Variants in KLF5 observed in about 807,000 individuals in gnomAD.
The protein encoded by KLF5 is Krueppel-like factor 5.
Under a neutral mutation model 36.9 loss-of-function variants are expected in KLF5, and 9 were observed. The ratio of observed to expected loss-of-function variants is 0.24; its 90% CI spans 0.15 to 0.43. The LOEUF (loss-of-function observed/expected upper bound fraction) is 0.43. Ranked by LOEUF, KLF5 falls within the 20% of genes least tolerant of loss-of-function variation. The pLI is 1.00. For missense variants in KLF5, 524 were observed against 599.5 expected (o/e 0.87, Z 1.31); for synonymous variants, 246 against 241.7 (o/e 1.02, Z -0.17).
At chr13:73,067,034 A>G (rs1228150579) in intron 3 of KLF5, among the ~76,000 whole-genome samples, 2 of 152,238 alleles carry the variant, frequency 1.3e-5, no homozygotes, top group African/African-American at 4.8e-5. Flanking sequence ...GTATACATTT[A>G]TCATGCCTTT....
At chr13:73,067,842 CTTT>C (rs66630634) in intron 3 of KLF5, among the ~76,000 whole-genome samples, 7 of 139,036 alleles carry the variant, frequency 5.0e-5, no homozygotes, top group East Asian at 2.1e-4. Flanking sequence ...ATTCACTCTT[CTTT>C]TTTTTTTTTT....
chr13:73,065,811 C>T (rs148450429), intron 3 of KLF5, among the ~76,000 whole-genome samples: 221 of 152,170 alleles, frequency 1.5e-3, no homozygotes, highest in Non-Finnish European at 2.4e-3. Flanking sequence ...TTGCATATAA[C>T]GATGTAATCA....
At chr13:73,063,929 A>C in intron 3 of KLF5, 46 bp downstream of exon 3, 1 of 1,195,274 alleles carries the variant, frequency 8.4e-7, no homozygotes, top group Non-Finnish European at 1.2e-6. Context: ...AAATAGTGTA[A>C]GTGGTATTCA....
chr13:73,070,873 C>T (rs533765883), intron 3 of KLF5, among the ~76,000 whole-genome samples: 1 of 152,304 alleles, frequency 6.6e-6, no homozygotes, highest in Non-Finnish European at 1.5e-5. Context: ...TACCAGATTA[C>T]TCTCAGTGGT....
intron 3 of KLF5, among the ~76,000 whole-genome samples, chr13:73,074,224 T>C (rs996931641): frequency 6.6e-6 from 1 of 152,214 alleles, no homozygotes; most frequent in Non-Finnish European, 1.5e-5. Context: ...TGTAGAAATC[T>C]CAGTTGATGA....
Position 73,059,497 on chromosome 13 carries a change from G to T in KLF5, c.170G>T (p.Arg57Leu). 1 of 1,228,370 alleles carries T rather than the reference G, an allele frequency of 8.1e-7. No homozygotes were observed. Among genetic ancestry groups the T allele is most frequent in the Non-Finnish European group, 1.0e-6 (1 of 987,812 alleles). The allele number at this position is 1,228,370 out of a possible 1,614,324, so 76.1% of individuals were successfully genotyped here. A position where few individuals can be genotyped will look rare whatever the true frequency, so the allele number is the denominator to read the frequency against. ...GAGGAGCTGAAGCACGCGCACCACC[G>T]CCCGCAGGCGCAGCCCGCGCCCGCG... The part of the protein sequence containing the change: ...PGEELKHAHH[R>L]PQAQPAPAQA... The change falls in exon 1 of 4, where the codon CGC becomes CTC. Residue 57 changes from arginine to leucine, a missense_variant. Transcript: ENST00000377687.
intron 2 of KLF5, among the ~76,000 whole-genome samples, chr13:73,063,513 T>A (rs1332753174): frequency 6.6e-6 from 1 of 152,164 alleles, no homozygotes; most frequent in East Asian, 1.9e-4. Context: ...TTAAAATTTT[T>A]AAAAAAACAT....
rs746616983 is a variant in KLF5, at chr13:73,062,396, A to G, written c.797A>G (p.His266Arg). Reference protein sequence around the residue: ...MSAAMAGLNTHTSAVPQTAVK... With the variant: ...MSAAMAGLNTRTSAVPQTAVK... ...GCTGCCATGGCAGGCCTTAACACAC[A>G]CACCTCTGCTGTTCCGCAGACTGCA... Residue 266 changes from histidine to arginine, a missense_variant, in exon 2 of 4, where the codon CAC (histidine) becomes CGC (arginine). By Grantham distance (29) the His-to-Arg change is conservative (BLOSUM62 0). Coordinates refer to ENST00000377687, the MANE Select transcript of KLF5 (RefSeq NM_001730.5). The G allele has an allele frequency of 1.2e-5, 19 of 1,613,954 alleles. No individual in the cohort carries two copies. In the African/African-American group the frequency reaches 2.4e-4, roughly 20 times the overall value.
At chr13:73,069,762 AAAGTT>A (rs2044709235) in intron 3 of KLF5, among the ~76,000 whole-genome samples, 1 of 152,244 alleles carries the variant, frequency 6.6e-6, no homozygotes, top group Admixed American at 6.5e-5. Context: ...AAGCTTATCA[AAAGTT>A]AAGTATAATT....
At position 73,075,758 on chromosome 13, in the gene KLF5, C is replaced by T. The variant is rs1326254909; in HGVS notation, c.1246C>T (p.Arg416Ter). 1 of 1,611,360 alleles carries T rather than the reference C, an allele frequency of 6.2e-7. No homozygotes were observed. Among genetic ancestry groups the T allele is most frequent in the Non-Finnish European group, 8.5e-7 (1 of 1,178,416 alleles). ...TWEGCDWRFA[R>*]SDELTRHYRK... is the part of the protein sequence containing the mutation. ...GGAAGGCTGCGACTGGAGGTTCGCGCGATCGGATGAGCTGACCCGCCACTA... is the reference window on the plus strand; with the variant it reads ...GGAAGGCTGCGACTGGAGGTTCGCGTGATCGGATGAGCTGACCCGCCACTA... Residue 416 changes from arginine (R) to a stop codon, truncating the protein, a stop_gained, in exon 4 of 4, where the codon CGA becomes TGA. Transcript: ENST00000377687. LOFTEE classifies it high-confidence loss of function.
At position 73,075,312 on chromosome 13, in the gene KLF5, T is replaced by C. The variant is rs528384704; in HGVS notation, c.1196-396T>C. ...GCCATTAGTCCTATAATAATTTAAT[T>C]TGGGTTTGTTGGTATAGAAACTGTA... On this transcript the variant is annotated intron_variant, in intron 3 of 3. Transcript: ENST00000377687. 2.6e-3 allele frequency among the ~76,000 whole-genome samples: 390 copies of C among 152,276 alleles called. 1 individual carries two copies. The highest frequency in any genetic ancestry group is 5.6e-3 in the South Asian group (27 of 4,832).
Position 73,062,024 on chromosome 13 carries a change from A to ACAT in KLF5, c.428_430dup (p.Ile143dup), listed in dbSNP as rs2044639491. On this transcript the variant is annotated inframe_insertion, in exon 2 of 4. Coordinates refer to ENST00000377687, the MANE Select transcript of KLF5 (RefSeq NM_001730.5). ...ATCAACATGAACGTCTTCCTCCCTG[A>ACAT]CATCACTCACCTGAGAACTGGCCTC... The ACAT allele has an allele frequency of 6.2e-7, 1 of 1,613,982 alleles. No homozygotes were observed. The highest frequency in any genetic ancestry group is 1.3e-5 in the African/African-American group (1 of 74,890).
In KLF5 at chr13:73,059,331, G is replaced by A; in HGVS notation, c.4G>A (p.Ala2Thr). The A allele has an allele frequency of 7.2e-7, 1 of 1,396,714 alleles. No homozygotes were observed. Among genetic ancestry groups the A allele is most frequent in the Non-Finnish European group, 9.3e-7 (1 of 1,076,504 alleles). 86.5% of individuals were successfully genotyped at this position (1,396,714 alleles called of 1,614,324 possible). Residue 2 changes from alanine (A) to threonine (T), a missense_variant, in exon 1 of 4, where the codon GCT (alanine) becomes ACT (threonine). Physicochemically the swap from Ala to Thr is moderately conservative, Grantham distance 58. This residue lies in a region of KLF5 where 454 missense variants were observed against 458.1 expected (regional missense o/e 0.99). Coordinates refer to ENST00000377687, the MANE Select transcript of KLF5 (RefSeq NM_001730.5). Reference protein sequence around the residue: MATRVLSMSARL... With the variant: MTTRVLSMSARL... ...GGAGCTGCGCCCCCGAGTGCCCATG[G>A]CTACAAGGGTGCTGAGCATGAGCGC...
chr13:73,072,228 G>GA (rs199638986), intron 3 of KLF5, among the ~76,000 whole-genome samples: 1 of 151,388 alleles, frequency 6.6e-6, no homozygotes, highest in African/African-American at 2.4e-5. Flanking sequence ...TCAGAGGGGG[G>GA]AAAAAAAAGG....
intron 3 of KLF5, among the ~76,000 whole-genome samples, chr13:73,071,842 G>C (rs2044724077): frequency 6.6e-6 from 1 of 152,118 alleles, no homozygotes; most frequent in African/African-American, 2.4e-5. Context: ...TAGGTTCGCA[G>C]AACAAGATAC....
intron 3 of KLF5, among the ~76,000 whole-genome samples, chr13:73,069,772 A>G (rs2044709512): frequency 6.6e-6 from 1 of 152,252 alleles, no homozygotes; most frequent in Non-Finnish European, 1.5e-5. Context: ...AAAGTTAAGT[A>G]TAATTTGATT....
At position 73,077,252 on chromosome 13, in the gene KLF5, A is replaced by G. The variant is rs1264240362; in HGVS notation, c.*1366A>G. On this transcript the variant is annotated 3_prime_UTR_variant, in exon 4 of 4. Transcript: ENST00000377687. The stretch of plus-strand genomic sequence containing the variant: ...CAATTTTCATAACTTGATAAATTAT[A>G]GTTTTGTTTGTTAGAAAAGTTGCTC... The G allele has an allele frequency of 6.6e-6, 1 of 152,620 alleles. No individual in the cohort carries two copies. The highest frequency in any genetic ancestry group is 1.5e-5 in the Non-Finnish European group (1 of 68,026). 9.5% of individuals were successfully genotyped at this position (152,620 alleles called of 1,614,324 possible).
At chr13:73,066,364 A>T (rs1224625258) in intron 3 of KLF5, among the ~76,000 whole-genome samples, 1 of 150,958 alleles carries the variant, frequency 6.6e-6, no homozygotes, top group African/African-American at 2.4e-5. Flanking sequence ...TAGAACAGTT[A>T]GGACAGTTTT....
In KLF5 at chr13:73,062,589, T is replaced by A. The variant is rs2044645491; in HGVS notation, c.990T>A (p.Ala330=). The stretch of plus-strand genomic sequence containing the variant: ...TAACCCCACCTCCATCCTATGCTGC[T>A]ACAATTGCTTCTAAACTGGCAATTC... ...QNLTPPPSYA[A]TIASKLAIHN... Residue 330 remains alanine, a synonymous_variant, in exon 2 of 4, where the codon GCT becomes GCA. Transcript: ENST00000377687. 1 of 1,614,142 alleles carries A rather than the reference T, an allele frequency of 6.2e-7. No homozygotes were observed. The highest frequency in any genetic ancestry group is 1.7e-5 in the Admixed American group (1 of 60,010).
Sources: allele counts gnomAD v4.1 joint callset (sites outside exome capture counted in the v4.1 genomes callset), GRCh38; gene constraint gnomAD v4.1.1; regional missense constraint gnomAD v4.1.1; transcripts MANE v1.5; gene names NCBI Gene and HGNC (gene_info 2026-07-23, HGNC 2026-07-21).